OGDHL: variants seen among roughly 807,000 people sequenced by gnomAD.
OGDHL encodes oxoglutarate dehydrogenase L, also known as 2-oxoglutarate dehydrogenase-like, mitochondrial.
OGDHL carries 79 observed loss-of-function variants against 109.6 expected under a neutral mutation model. That is an observed-to-expected ratio of 0.72 (90% CI 0.60 to 0.87). OGDHL has a LOEUF of 0.87. Among genes scored for constraint, OGDHL ranks in the 40% least tolerant of loss-of-function variants. The pLI, the probability that OGDHL is intolerant of heterozygous loss-of-function variation, is 0.00. For synonymous variants in OGDHL, 528 were observed against 537.2 expected, an observed-to-expected ratio of 0.98 and a Z score of 0.24; for missense variants, 1,275 against 1,362.2, an observed-to-expected ratio of 0.94 and a Z score of 1.01.
intron 13 of OGDHL, 68 bp from the exon 14 acceptor site, chr10:49,744,190 C>T: frequency 6.4e-7 from 1 of 1,569,916 alleles, no homozygotes; most frequent in South Asian, 1.2e-5. Context: ...GCCAGCCTGC[C>T]TCCCCAGGAC....
In OGDHL at chr10:49,736,067, G is replaced by A. The variant is rs768780504; in HGVS notation, c.2865C>T (p.Ile955=). ...EHKNMGYYDY[I]SPRFMTILRR... Reference sequence around the variant, plus strand: ...TCAGGATGGTCATGAAGCGTGGGCTGATGTAGTCATAGTAGCCCATGTTCT... The same window carrying A: ...TCAGGATGGTCATGAAGCGTGGGCTAATGTAGTCATAGTAGCCCATGTTCT... Residue 955 remains isoleucine (I), a synonymous_variant, in exon 22 of 23, where the codon ATC becomes ATT. Transcript: ENST00000374103. The A allele has an allele frequency of 4.3e-6, 7 of 1,609,500 alleles. No homozygotes were observed. The highest frequency in any genetic ancestry group is 5.9e-6 in the Non-Finnish European group (7 of 1,177,826).
In OGDHL at chr10:49,735,047, CT is replaced by C. The variant is rs1350436484; in HGVS notation, c.*180del. On this transcript the variant is annotated 3_prime_UTR_variant, in exon 23 of 23. Coordinates refer to ENST00000374103, the MANE Select transcript of OGDHL (RefSeq NM_018245.3). The stretch of plus-strand genomic sequence containing the variant: ...TAGGACTCCTCTGGCTCCCTCAGTC[CT>C]GGTAGATTCTGGCATGACACCAAGG... The C allele has an allele frequency of 4.4e-6, 3 of 679,648 alleles. No homozygotes were observed. Among genetic ancestry groups the C allele is most frequent in the Non-Finnish European group, 7.2e-6 (3 of 416,802 alleles). The allele number at this position is 679,648 out of a possible 1,614,324, so 42.1% of individuals were successfully genotyped here. A position where few individuals can be genotyped will look rare whatever the true frequency, so the allele number is the denominator to read the frequency against.
intron 3 of OGDHL, among the ~76,000 whole-genome samples, chr10:49,753,982 G>A (rs113740775): frequency 3.5e-4 from 53 of 151,106 alleles, no homozygotes; most frequent in African/African-American, 1.3e-3. Context: ...TGGCATCTTT[G>A]AGAACCTCTA....
In OGDHL at chr10:49,745,491, A is replaced by G. The variant is rs755966132; in HGVS notation, c.1482T>C (p.Cys494=). 31 of 1,613,786 alleles carry G rather than the reference A, an allele frequency of 1.9e-5. No homozygotes were observed. The highest frequency in any genetic ancestry group is 2.6e-5 in the Non-Finnish European group (31 of 1,180,020). The change falls in exon 12 of 23, where the codon TGT becomes TGC. Residue 494 remains cysteine, a synonymous_variant. Coordinates refer to ENST00000374103, the MANE Select transcript of OGDHL (RefSeq NM_018245.3). The part of the protein sequence containing the change: ...FNKDVVVDLV[C]YRRRGHNEMD... Reference sequence around the variant, plus strand: ...TCTCATTGTGGCCACGCCGGCGGTAACAGACCTGCAGGAGCAGCCAGAGGG... The same window carrying G: ...TCTCATTGTGGCCACGCCGGCGGTAGCAGACCTGCAGGAGCAGCCAGAGGG...
chr10:49,748,818 C>T (rs111405213), intron 8 of OGDHL, among the ~76,000 whole-genome samples: 6,110 of 150,990 alleles, frequency 0.04, 172 homozygotes, highest in South Asian at 0.093. Flanking sequence ...GAGAGATAGT[C>T]CTGAGGGCAA....
intron 1 of OGDHL, 176 bp from the exon 2 acceptor site, chr10:49,758,769 G>T: frequency 1.5e-6 from 1 of 653,452 alleles, no homozygotes; most frequent in Non-Finnish European, 2.6e-6. Context: ...CTTACTGTCT[G>T]GTGGAAGCTC....
chr10:49,736,864 G>T, intron 20 of OGDHL, among the ~76,000 whole-genome samples: 1 of 152,136 alleles, frequency 6.6e-6, no homozygotes, highest in South Asian at 2.1e-4. Context: ...GCCCAGCTGC[G>T]CCCACCTCCT....
intron 3 of OGDHL, among the ~76,000 whole-genome samples, chr10:49,755,070 C>T (rs1842838828): frequency 6.6e-6 from 1 of 152,118 alleles, no homozygotes; most frequent in Non-Finnish European, 1.5e-5. Context: ...ATGGTGAAAC[C>T]CCGTCTCCAC....
intron 17 of OGDHL, chr10:49,739,416 C>G (rs147396449): frequency 2.2e-6 from 1 of 462,588 alleles, no homozygotes; most frequent in Non-Finnish European, 3.8e-6. Flanking sequence ...CATTCAGAAG[C>G]ATTGAACAGT....
chr10:49,758,869 G>A (rs920250846), intron 1 of OGDHL, among the ~76,000 whole-genome samples: 52 of 152,216 alleles, frequency 3.4e-4, no homozygotes, highest in Non-Finnish European at 6.6e-4. Context: ...ACTCCTTCCC[G>A]GATAGTCCCC....
intron 7 of OGDHL, among the ~76,000 whole-genome samples, 186 bp downstream of exon 7, chr10:49,750,651 ACT>A (rs1355446717): frequency 1.4e-4 from 21 of 152,072 alleles, no homozygotes; most frequent in Admixed American, 7.9e-4. Context: ...GCCCCAGGTG[ACT>A]CTGGCCAAGT....
At chr10:49,740,153 G>A (rs1443832957) in intron 16 of OGDHL, among the ~76,000 whole-genome samples, 8 of 152,152 alleles carry the variant, frequency 5.3e-5, no homozygotes, top group African/African-American at 1.7e-4. Context: ...TAAGGAGAAG[G>A]GGCAGAAACA....
At position 49,747,012 on chromosome 10, in the gene OGDHL, C is replaced by T. The variant is rs376942495; in HGVS notation, c.1167+17G>A. On this transcript the variant is annotated intron_variant, in intron 9 of 22. Coordinates refer to ENST00000374103, the MANE Select transcript of OGDHL (RefSeq NM_018245.3). ...CTGAAGGGCCCAGGTCCTCTGGGTT[C>T]CCCCAGGTGAGCTCACCTTCTTGCC... 2 of 1,612,116 alleles carry T rather than the reference C, an allele frequency of 1.2e-6. No individual in the cohort carries two copies. Among genetic ancestry groups the T allele is most frequent in the Admixed American group, 3.3e-5 (2 of 59,978 alleles).
chr10:49,739,366 A>G (rs1841464027), intron 17 of OGDHL: 1 of 338,548 alleles, frequency 3.0e-6, no homozygotes, highest in Non-Finnish European at 5.4e-6. Flanking sequence ...AAGCAGGAAC[A>G]CAGCCTACTT....
intron 7 of OGDHL, among the ~76,000 whole-genome samples, chr10:49,750,236 C>G (rs1842491000): frequency 6.6e-6 from 1 of 152,220 alleles, no homozygotes; most frequent in Non-Finnish European, 1.5e-5. Context: ...ACAGGCCACT[C>G]TGCACATCTG....
In OGDHL at chr10:49,744,091, G is replaced by C; in HGVS notation, c.1764C>G (p.Ser588Arg). The part of the protein sequence containing the change: ...GFFNVDGEPK[S>R]MTCPATGIPE... ...GGATCCCCGTGGCTGGGCATGTCAT[G>C]CTCTTGGGCTCCCCATCTACGTTGA... Residue 588 changes from serine (S) to arginine (R), a missense_variant, in exon 14 of 23, where the codon AGC becomes AGG. Physicochemically the swap from Ser to Arg is moderately radical, Grantham distance 110. Coordinates refer to ENST00000374103, the MANE Select transcript of OGDHL (RefSeq NM_018245.3). The C allele has an allele frequency of 6.2e-7, 1 of 1,613,942 alleles. No homozygotes were observed. Among genetic ancestry groups the C allele is most frequent in the Non-Finnish European group, 8.5e-7 (1 of 1,179,892 alleles).
chr10:49,736,803 A>C (rs1841231212), intron 20 of OGDHL, among the ~76,000 whole-genome samples: 1 of 152,150 alleles, frequency 6.6e-6, no homozygotes, highest in East Asian at 1.9e-4. Flanking sequence ...GCCCTGAAGG[A>C]GACAGAGAAG....
At chr10:49,742,567 C>T (rs1022549841) in intron 15 of OGDHL, among the ~76,000 whole-genome samples, 4 of 149,752 alleles carry the variant, frequency 2.7e-5, no homozygotes, top group African/African-American at 1.0e-4. Context: ...ACACTCACCA[C>T]ACACCCCCCA....
chr10:49,744,379 C>T (rs1842024993), intron 13 of OGDHL, among the ~76,000 whole-genome samples: 1 of 152,148 alleles, frequency 6.6e-6, no homozygotes, highest in Admixed American at 6.5e-5. Context: ...CTCTGAGCAC[C>T]CTGGCCCCAA....
Sources: allele counts gnomAD v4.1 joint callset (sites outside exome capture counted in the v4.1 genomes callset), GRCh38; gene constraint gnomAD v4.1.1; transcripts MANE v1.5; gene names NCBI Gene and HGNC (gene_info 2026-07-23, HGNC 2026-07-21).